ITPR1: variants seen among roughly 807,000 people sequenced by gnomAD.
ITPR1 encodes the protein inositol 1,4,5-trisphosphate receptor type 1, also known as inositol 1,4,5-trisphosphate-gated calcium channel ITPR1.
ITPR1 carries 96 observed loss-of-function variants against 318.4 expected under a neutral mutation model. That is an observed-to-expected ratio of 0.30 (90% CI 0.26 to 0.36). The LOEUF is 0.36. Ranked by LOEUF, ITPR1 falls within the 10% of genes least tolerant of loss-of-function variation. ITPR1 has a pLI of 1.00. For synonymous variants in ITPR1, 1,312 were observed against 1,289.9 expected (o/e 1.02, Z -0.37); for missense variants, 2,440 against 3,460.2 (o/e 0.71, Z 7.40).
At chr3:4,682,549 G>T (rs2094320663) in intron 26 of ITPR1, among the ~76,000 whole-genome samples, 5 of 152,138 alleles carry the variant, frequency 3.3e-5, no homozygotes, top group Admixed American at 2.6e-4. Flanking sequence ...TGTGAAATTT[G>T]AATTAGCAAC....
chr3:4,658,843 A>T (rs2125185682), intron 13 of ITPR1, among the ~76,000 whole-genome samples: 1 of 152,250 alleles, frequency 6.6e-6, no homozygotes, highest in African/African-American at 2.4e-5. Flanking sequence ...ACTCTTAACA[A>T]CAGAATCAAC....
intron 4 of ITPR1, among the ~76,000 whole-genome samples, chr3:4,619,915 C>T (rs1380592405): frequency 3.4e-5 from 5 of 148,954 alleles, no homozygotes; most frequent in Non-Finnish European, 7.4e-5. Flanking sequence ...TTCTGTAGTA[C>T]ATTAAAACAT....
At chr3:4,778,851 C>A (rs935524425) in intron 48 of ITPR1, among the ~76,000 whole-genome samples, 2 of 152,104 alleles carry the variant, frequency 1.3e-5, no homozygotes, top group South Asian at 2.1e-4. Context: ...AGAAAAAAAA[C>A]CCAACAGCTT....
intron 60 of ITPR1, among the ~76,000 whole-genome samples, chr3:4,829,978 T>TTG (rs71053446): frequency 7.6e-5 from 7 of 92,590 alleles, no homozygotes; most frequent in African/African-American, 2.3e-4. Flanking sequence ...TTTTTTTTTT[T>TTG]TGTGTGTGTG....
chr3:4,672,037 T>G (rs1293331502), intron 20 of ITPR1, among the ~76,000 whole-genome samples: 1 of 152,246 alleles, frequency 6.6e-6, no homozygotes, highest in East Asian at 1.9e-4. Flanking sequence ...TAATTTGGAC[T>G]GTTGGATGAT....
At chr3:4,532,124 G>A (rs1310759785) in intron 4 of ITPR1, among the ~76,000 whole-genome samples, 1 of 152,120 alleles carries the variant, frequency 6.6e-6, no homozygotes, top group African/African-American at 2.4e-5. Flanking sequence ...TTTTGACTTA[G>A]CCCTTCCCCC....
chr3:4,646,071 C>T, intron 10 of ITPR1: 1 of 240,450 alleles, frequency 4.2e-6, no homozygotes, highest in Non-Finnish European at 8.3e-6. Flanking sequence ...TTCTCTGAGC[C>T]ATCTAATCCC....
Position 4,795,091 on chromosome 3 carries a change from C to T in ITPR1, c.6835C>T (p.Arg2279Cys). The change falls in exon 53 of 62, where the codon CGC becomes TGC. Residue 2279 changes from arginine to cysteine, a missense_variant. By Grantham distance (180) the Arg-to-Cys change is radical. This residue lies in a region of ITPR1 where 115 missense variants were observed against 204.5 expected (regional missense o/e 0.56). Coordinates refer to ENST00000649015, the MANE Select transcript of ITPR1 (RefSeq NM_001378452.1). Reference protein sequence around the residue: ...RAQPVLYWCARNMSFWSSISF... With the variant: ...RAQPVLYWCACNMSFWSSISF... ...CCAGCCCGTGTTGTACTGGTGTGCC[C>T]GCAACATGTCTTTCTGGAGCAGCAT... The T allele has an allele frequency of 6.2e-7, 1 of 1,613,516 alleles. No individual in the cohort carries two copies.
In ITPR1 at chr3:4,516,540, C is replaced by T; in HGVS notation, c.49C>T (p.Leu17=). ...SFLHIGDICS[L]YAEGSTNGFI... is the part of the protein sequence containing the mutation. ...CCTACATATTGGAGACATTTGTTCT[C>T]TGTACGCGGAGGGATCGACAAATGG... is the stretch of plus-strand genomic sequence containing the variant. The change falls in exon 3 of 62, where the codon CTG becomes TTG. Residue 17 remains leucine (L), a synonymous_variant. Transcript: ENST00000649015. 6.2e-7 allele frequency: 1 copy of T among 1,603,160 alleles called. No individual in the cohort carries two copies. Among genetic ancestry groups the T allele is most frequent in the Non-Finnish European group, 8.5e-7 (1 of 1,175,888 alleles).
intron 35 of ITPR1, among the ~76,000 whole-genome samples, chr3:4,701,953 C>G (rs966454140): frequency 2.6e-5 from 4 of 152,044 alleles, no homozygotes; most frequent in African/African-American, 7.2e-5. Context: ...GTTTTCAATA[C>G]TTTTTTCTTT....
intron 12 of ITPR1, among the ~76,000 whole-genome samples, chr3:4,654,664 A>G (rs187446481): frequency 5.7e-4 from 87 of 152,286 alleles, no homozygotes; most frequent in African/African-American, 1.7e-3. Flanking sequence ...GTGGGCATGG[A>G]AGGTGGTATT....
At chr3:4,630,920 A>G (rs181543253) in intron 5 of ITPR1, among the ~76,000 whole-genome samples, 101 of 152,226 alleles carry the variant, frequency 6.6e-4, no homozygotes, top group African/African-American at 2.1e-3. Context: ...TCACTATGCT[A>G]TGTGTTTAAT....
chr3:4,515,417 A>G (rs1003277610), intron 2 of ITPR1, among the ~76,000 whole-genome samples: 12 of 152,182 alleles, frequency 7.9e-5, no homozygotes, highest in African/African-American at 2.2e-4. Context: ...AGGGGTGTAA[A>G]GGGGTCTGGG....
chr3:4,739,717 T>A (rs2043560677), intron 44 of ITPR1, among the ~76,000 whole-genome samples: 2 of 152,172 alleles, frequency 1.3e-5, no homozygotes, highest in Admixed American at 6.5e-5. Flanking sequence ...AATGGCCATT[T>A]TGGTGCCTAG....
At chr3:4,630,857 G>T (rs1179624921) in intron 5 of ITPR1, among the ~76,000 whole-genome samples, 1 of 152,062 alleles carries the variant, frequency 6.6e-6, no homozygotes, top group Non-Finnish European at 1.5e-5. Flanking sequence ...AAAGTGCTGG[G>T]ATTATAGGGG....
intron 44 of ITPR1, among the ~76,000 whole-genome samples, chr3:4,752,231 C>T (rs1387040843): frequency 2.6e-5 from 4 of 152,198 alleles, no homozygotes; most frequent in Non-Finnish European, 4.4e-5. Context: ...TATTAGCCTC[C>T]TTGCAACACA....
At chr3:4,642,455 C>T (rs1380163390) in intron 7 of ITPR1, among the ~76,000 whole-genome samples, 1 of 152,146 alleles carries the variant, frequency 6.6e-6, no homozygotes, top group Admixed American at 6.5e-5. Flanking sequence ...TGTGTTTTTC[C>T]TCCTGGATGT....
chr3:4,705,094 G>C (rs1287915482), intron 36 of ITPR1, among the ~76,000 whole-genome samples: 1 of 152,036 alleles, frequency 6.6e-6, no homozygotes, highest in Non-Finnish European at 1.5e-5. Flanking sequence ...CAGGATGTTG[G>C]AGTTGTTTTT....
rs1283289660 is a variant in ITPR1 at position 4,847,155 on chromosome 3, C to T, written c.*930C>T. ...TTTATTTTTTCTTCATCTGAACCAA[C>T]ATGCTACAGTAGCTAAGAAGTATTA... On this transcript the variant is annotated 3_prime_UTR_variant, in exon 62 of 62. Transcript: ENST00000649015. 1 of 152,510 alleles carries T rather than the reference C, an allele frequency of 6.6e-6. No individual in the cohort carries two copies. The highest frequency in any genetic ancestry group is 1.5e-5 in the Non-Finnish European group (1 of 68,010). 9.4% of individuals were successfully genotyped at this position (152,510 alleles called of 1,614,324 possible). A position where few individuals can be genotyped will look rare whatever the true frequency, so the allele number is the denominator to read the frequency against.
Sources: allele counts gnomAD v4.1 joint callset (sites outside exome capture counted in the v4.1 genomes callset), GRCh38; gene constraint gnomAD v4.1.1; regional missense constraint gnomAD v4.1.1; transcripts MANE v1.5; gene names NCBI Gene and HGNC (gene_info 2026-07-23, HGNC 2026-07-21).